XRCC4: variants seen among roughly 807,000 people sequenced by gnomAD.
XRCC4 encodes DNA repair protein XRCC4.
A neutral mutation model predicts 39.1 loss-of-function variants in XRCC4; 28 were observed. That is an observed-to-expected ratio of 0.72 (90% CI 0.53 to 0.98). The LOEUF (loss-of-function observed/expected upper bound fraction) is 0.98, where lower values mean the gene tolerates loss of function less well. Ranked by LOEUF, XRCC4 falls within the 50% of genes least tolerant of loss-of-function variation. XRCC4 has a pLI of 0.00. For missense variants in XRCC4, 350 were observed against 376.4 expected, an observed-to-expected ratio of 0.93 and a Z score of 0.58; for synonymous variants, 123 against 126.4, an observed-to-expected ratio of 0.97 and a Z score of 0.18.
chr5:83,229,903 G>A (rs1039202678), intron 6 of XRCC4, among the ~76,000 whole-genome samples: 2 of 151,652 alleles, frequency 1.3e-5, no homozygotes, highest in Non-Finnish European at 2.9e-5. Context: ...TAAATAAAGT[G>A]TGAAACAATA....
At chr5:83,229,346 G>T (rs1752406245) in intron 6 of XRCC4, among the ~76,000 whole-genome samples, 2 of 151,914 alleles carry the variant, frequency 1.3e-5, no homozygotes, top group Admixed American at 1.3e-4. Context: ...ATGCCAGTCA[G>T]CCTGAACTCT....
chr5:83,303,971 G>A (rs1181213890), intron 7 of XRCC4, among the ~76,000 whole-genome samples: 2 of 82,058 alleles, frequency 2.4e-5, no homozygotes, highest in Non-Finnish European at 6.2e-5. Flanking sequence ...AGGGTGAGGT[G>A]AGGAATAGAT....
At chr5:83,174,547 T>G (rs1749868171) in intron 3 of XRCC4, among the ~76,000 whole-genome samples, 1 of 152,236 alleles carries the variant, frequency 6.6e-6, no homozygotes, top group Non-Finnish European at 1.5e-5. Context: ...CTGTACTATT[T>G]GAACATTTTT....
At chr5:83,224,025 G>A (rs1172913532) in intron 6 of XRCC4, among the ~76,000 whole-genome samples, 1 of 151,902 alleles carries the variant, frequency 6.6e-6, no homozygotes, top group Non-Finnish European at 1.5e-5. Flanking sequence ...ATCATTGATG[G>A]ACATTTGGGT....
chr5:83,142,321 TA>T (rs1748219493), intron 3 of XRCC4, among the ~76,000 whole-genome samples: 1 of 43,100 alleles, frequency 2.3e-5, no homozygotes, highest in Admixed American at 1.5e-4. Context: ...CAGTGGTGTT[TA>T]GATGAGGAAA....
At chr5:83,178,295 T>C (rs1411058032) in intron 3 of XRCC4, among the ~76,000 whole-genome samples, 3 of 152,140 alleles carry the variant, frequency 2.0e-5, no homozygotes, top group Non-Finnish European at 4.4e-5. Flanking sequence ...AAGGTCAGAA[T>C]ACTGATCTGG....
chr5:83,293,171 T>C (rs1005100006), intron 7 of XRCC4, among the ~76,000 whole-genome samples: 2 of 151,972 alleles, frequency 1.3e-5, no homozygotes, highest in Non-Finnish European at 2.9e-5. Context: ...CTGTGAACCC[T>C]GTAGTAGACA....
chr5:83,331,415 G>T (rs375610569), intron 7 of XRCC4, among the ~76,000 whole-genome samples: 3 of 151,990 alleles, frequency 2.0e-5, no homozygotes, highest in African/African-American at 4.8e-5. Flanking sequence ...GAGAGGAATT[G>T]ATCAACAGGA....
intron 3 of XRCC4, among the ~76,000 whole-genome samples, chr5:83,135,945 A>G (rs1344134786): frequency 6.6e-6 from 1 of 152,026 alleles, no homozygotes; most frequent in South Asian, 2.1e-4. Context: ...CTTTGATTGT[A>G]TGCTAAACAT....
chr5:83,114,025 C>T (rs1746584778), intron 3 of XRCC4, among the ~76,000 whole-genome samples: 1 of 152,192 alleles, frequency 6.6e-6, no homozygotes. Flanking sequence ...TGGAAGCTGC[C>T]AAGACTTGGG....
chr5:83,213,324 A>G (rs1751727126), intron 6 of XRCC4, among the ~76,000 whole-genome samples: 1 of 152,116 alleles, frequency 6.6e-6, no homozygotes, highest in Non-Finnish European at 1.5e-5. Context: ...AATGTAAAAT[A>G]GTGGATTAAT....
intron 4 of XRCC4, among the ~76,000 whole-genome samples, chr5:83,196,429 T>C (rs960947962): frequency 2.0e-5 from 3 of 152,094 alleles, no homozygotes; most frequent in African/African-American, 4.8e-5. Context: ...GATGAGCTAA[T>C]TGTGGCTACT....
At chr5:83,195,677 T>C in intron 3 of XRCC4, 93 bp from the exon 4 acceptor site, 1 of 1,231,516 alleles carries the variant, frequency 8.1e-7, no homozygotes, top group Non-Finnish European at 1.1e-6. Flanking sequence ...TTCTTACACT[T>C]TTTTATTCTC....
At chr5:83,187,293 G>A (rs1013210595) in intron 3 of XRCC4, among the ~76,000 whole-genome samples, 5 of 152,064 alleles carry the variant, frequency 3.3e-5, no homozygotes, top group African/African-American at 4.8e-5. Context: ...TATCTTCACC[G>A]CTTATCCCTC....
intron 7 of XRCC4, among the ~76,000 whole-genome samples, chr5:83,332,739 C>G (rs1302613743): frequency 6.6e-6 from 1 of 152,032 alleles, no homozygotes; most frequent in Non-Finnish European, 1.5e-5. Context: ...TTTAAAGTGG[C>G]AGACTTCAAG....
At chr5:83,237,186 G>A (rs1752723464) in intron 6 of XRCC4, among the ~76,000 whole-genome samples, 1 of 151,756 alleles carries the variant, frequency 6.6e-6, no homozygotes, top group East Asian at 1.9e-4. Context: ...AACTACCTTG[G>A]AATCCAGCAA....
Position 83,111,167 on chromosome 5 carries a change from T to A in XRCC4, c.279T>A (p.Cys93Ter). The A allele has an allele frequency of 6.3e-7, 1 of 1,594,394 alleles. No individual in the cohort carries two copies. The highest frequency in any genetic ancestry group is 8.5e-7 in the Non-Finnish European group (1 of 1,174,094). The change falls in exon 3 of 8, where the codon TGT (cysteine) becomes TGA (stop). Residue 93 changes from cysteine (C) to a stop codon, truncating the protein, a stop_gained. Transcript: ENST00000396027. LOFTEE classifies it high-confidence loss of function. ...VYTFNFSKES[C>*]YFFFEKNLKD... ...CGTTTAATTTTTCTAAAGAGTCTTG[T>A]TATTTCTTCTTTGAGAAAAACCTGA...
At position 83,195,797 on chromosome 5, in the gene XRCC4, A is replaced by G. The variant is rs769556494; in HGVS notation, c.343A>G (p.Lys115Glu). 4 of 1,604,424 alleles carry G rather than the reference A, an allele frequency of 2.5e-6. No homozygotes were observed. In the Admixed American group the frequency reaches 5.1e-5, roughly 20 times the overall value. Residue 115 changes from lysine to glutamate, a missense_variant, in exon 4 of 8, where the codon AAA becomes GAA. Coordinates refer to ENST00000396027, the MANE Select transcript of XRCC4 (RefSeq NM_003401.5). ...SFRLGSFNLE[K>E]VENPAEVIRE... ...CAGACTTGGTTCCTTCAACCTAGAGAAAGTTGAAAACCCAGCTGAAGTCAT... is the reference window on the plus strand; with the variant it reads ...CAGACTTGGTTCCTTCAACCTAGAGGAAGTTGAAAACCCAGCTGAAGTCAT...
rs1161360434 is a variant in XRCC4 at position 83,258,672 on chromosome 5, G to C, written c.888G>C (p.Lys296Asn). 3.1e-6 allele frequency: 5 copies of C among 1,609,276 alleles called. No homozygotes were observed. The African/African-American group carries it at 6.7e-5, about 22-fold the overall frequency. ...MAPQENQLQEKEKPDSSLPET... is the reference protein window; with the variant it reads ...MAPQENQLQENEKPDSSLPET... The stretch of plus-strand genomic sequence containing the variant: ...CTCAGGAGAATCAGCTTCAAGAAAA[G>C]GAAAAGTAAGTCATTTTATTCTTTG... Residue 296 changes from lysine (K) to asparagine (N), a missense_variant, in exon 7 of 8, where the codon AAG (lysine) becomes AAC (asparagine). Physicochemically the swap from Lys to Asn is moderately conservative, Grantham distance 94. Transcript: ENST00000396027.
Sources: allele counts gnomAD v4.1 joint callset (sites outside exome capture counted in the v4.1 genomes callset), GRCh38; gene constraint gnomAD v4.1.1; transcripts MANE v1.5; gene names NCBI Gene and HGNC (gene_info 2026-07-23, HGNC 2026-07-21).